TRAPPC9: variants seen among roughly 807,000 people sequenced by gnomAD.
TRAPPC9 encodes the protein IKK2 binding protein.
Under a neutral mutation model 124.0 loss-of-function variants are expected in TRAPPC9, and 83 were observed. The ratio of observed to expected loss-of-function variants is 0.67; its 90% CI spans 0.56 to 0.80. The LOEUF (loss-of-function observed/expected upper bound fraction) is 0.80, where lower values mean the gene tolerates loss of function less well. Among genes scored for constraint, TRAPPC9 ranks in the 30% least tolerant of loss-of-function variants. The pLI is 0.00. For synonymous variants in TRAPPC9, 638 were observed against 617.5 expected (o/e 1.03, Z -0.49); for missense variants, 1,302 against 1,508.3 (o/e 0.86, Z 2.27).
chr8:140,097,387 CCA>C lies in TRAPPC9; in HGVS notation c.2557-73310_2557-73309del, dbSNP rs1372031875. The C allele has an allele frequency of 6.6e-6, 1 of 152,224 alleles. No individual in the cohort carries two copies. The highest frequency in any genetic ancestry group is 1.5e-5 in the Non-Finnish European group (1 of 68,072). 9.4% of individuals were successfully genotyped at this position (152,224 alleles called of 1,614,324 possible). A position where few individuals can be genotyped will look rare whatever the true frequency, so the allele number is the denominator to read the frequency against. On this transcript the variant is annotated intron_variant, in intron 17 of 22. Coordinates refer to ENST00000438773, the MANE Select transcript of TRAPPC9 (RefSeq NM_001160372.4). This position sits in a 1 kb window ranked among gnomAD's most constrained non-coding sequence, Gnocchi z 4.2. ...ACGCCCACCTGGGTTCTTGTGCCAG[CCA>C]CAGTTGTGCCACAGTCCGTAGGGTA...
intron 7 of TRAPPC9, among the ~76,000 whole-genome samples, chr8:140,388,233 A>AG (rs1563991097): frequency 6.5e-5 from 1 of 15,326 alleles, no homozygotes; most frequent in East Asian, 2.5e-3. Flanking sequence ...TGGGGTGGGG[A>AG]GGGGGGAGGT....
chr8:139,838,269 C>T (rs894424177), intron 21 of TRAPPC9, among the ~76,000 whole-genome samples: 1 of 152,220 alleles, frequency 6.6e-6, no homozygotes, highest in African/African-American at 2.4e-5. Context: ...TGGGCACACG[C>T]ACCTGCCTTT....
At chr8:140,000,178 T>C (rs903480821) in intron 18 of TRAPPC9, among the ~76,000 whole-genome samples, 25 of 152,130 alleles carry the variant, frequency 1.6e-4, no homozygotes, top group Non-Finnish European at 1.9e-4. Context: ...TGGCTAGCCA[T>C]ATATAGAAAG....
intron 11 of TRAPPC9, among the ~76,000 whole-genome samples, chr8:140,295,227 G>A (rs1215235761): frequency 6.6e-6 from 1 of 152,218 alleles, no homozygotes; most frequent in Non-Finnish European, 1.5e-5. Context: ...ACATAGCACA[G>A]GGCATATAAC....
chr8:139,916,918 A>C (rs991165520), intron 19 of TRAPPC9, among the ~76,000 whole-genome samples: 1 of 152,264 alleles, frequency 6.6e-6, no homozygotes, highest in Non-Finnish European at 1.5e-5. Flanking sequence ...TATGTGGTAC[A>C]TCATATGTGA....
intron 17 of TRAPPC9, among the ~76,000 whole-genome samples, chr8:140,173,713 A>C (rs564567853): frequency 6.6e-6 from 1 of 152,318 alleles, no homozygotes; most frequent in East Asian, 1.9e-4. Context: ...ACCCCAGTCT[A>C]AGATATGTCT....
At chr8:139,793,637 C>A (rs1822852936) in intron 21 of TRAPPC9, among the ~76,000 whole-genome samples, 1 of 152,158 alleles carries the variant, frequency 6.6e-6, no homozygotes, top group Non-Finnish European at 1.5e-5. Flanking sequence ...GGAGCCTCAG[C>A]TGAAGGAGAC....
chr8:140,068,980 C>T (rs1246854506), intron 17 of TRAPPC9, among the ~76,000 whole-genome samples: 3 of 152,060 alleles, frequency 2.0e-5, no homozygotes, highest in Admixed American at 6.6e-5. Flanking sequence ...TAAATGATGC[C>T]GACAAACTCA....
chr8:139,802,270 G>A (rs1475206198), intron 21 of TRAPPC9, among the ~76,000 whole-genome samples: 2 of 152,192 alleles, frequency 1.3e-5, no homozygotes, highest in Non-Finnish European at 1.5e-5. Flanking sequence ...GCAAGAAAAT[G>A]AGGCCATGGG....
At chr8:140,128,976 T>A (rs1446455717) in intron 17 of TRAPPC9, among the ~76,000 whole-genome samples, 12 of 131,214 alleles carry the variant, frequency 9.1e-5, no homozygotes, top group African/African-American at 1.7e-4. Flanking sequence ...TAATAAAATA[T>A]ATATATATAT....
At chr8:139,922,331 G>C (rs6981094) in intron 19 of TRAPPC9, among the ~76,000 whole-genome samples, 7 of 152,072 alleles carry the variant, frequency 4.6e-5, no homozygotes, top group East Asian at 1.9e-4. Context: ...CTACAGGCAC[G>C]TGCCACCACA....
chr8:139,769,074 A>C (rs895219282), intron 21 of TRAPPC9, among the ~76,000 whole-genome samples: 99 of 152,338 alleles, frequency 6.5e-4, no homozygotes, highest in African/African-American at 2.3e-3. Context: ...TGTCAGAAAT[A>C]ACTTTTTGTT....
intron 21 of TRAPPC9, among the ~76,000 whole-genome samples, chr8:139,815,489 G>A (rs1213883819): frequency 1.3e-5 from 2 of 151,772 alleles, no homozygotes; most frequent in African/African-American, 2.4e-5. Flanking sequence ...CCGGGTTCAA[G>A]CGATTCTCCC....
chr8:139,767,260 G>A (rs994652695), intron 21 of TRAPPC9, among the ~76,000 whole-genome samples: 1 of 152,232 alleles, frequency 6.6e-6, no homozygotes, highest in Non-Finnish European at 1.5e-5. Context: ...GCACAGATGT[G>A]AGCCAAGTCT....
chr8:140,442,555 A>G (rs11774432), intron 2 of TRAPPC9, among the ~76,000 whole-genome samples: 68,455 of 149,524 alleles, frequency 0.46, 16,484 homozygotes, highest in Middle Eastern at 0.57. Context: ...CTAAGATTGC[A>G]CCACTGCACT....
intron 19 of TRAPPC9, among the ~76,000 whole-genome samples, chr8:139,912,707 C>CAGGTCTGAATTACCCCTG (rs978635278): frequency 6.6e-6 from 1 of 152,210 alleles, no homozygotes; most frequent in African/African-American, 2.4e-5. Flanking sequence ...TTTTAATGTG[C>CAGGTCTGAATTACCCCTG]AGGTCTGAAT....
At chr8:139,773,919 G>C (rs554533210) in intron 21 of TRAPPC9, among the ~76,000 whole-genome samples, 1 of 152,378 alleles carries the variant, frequency 6.6e-6, no homozygotes, top group East Asian at 1.9e-4. Flanking sequence ...GTTCAGTGGA[G>C]AAGTCAGAAA....
At chr8:140,217,947 G>A (rs1293779454) in intron 17 of TRAPPC9, among the ~76,000 whole-genome samples, 3 of 151,974 alleles carry the variant, frequency 2.0e-5, no homozygotes, top group Non-Finnish European at 4.4e-5. Flanking sequence ...AACCCAGGAG[G>A]TGGAGGTTGC....
rs1477340400 is a variant in TRAPPC9, at chr8:139,728,402, A to G, written c.*2659T>C. 6.6e-6 allele frequency among the ~76,000 whole-genome samples: 1 copy of G among 152,210 alleles called. No individual in the cohort carries two copies. The highest frequency in any genetic ancestry group is 1.5e-5 in the Non-Finnish European group (1 of 68,042). Reference sequence around the variant, plus strand: ...CCTTCAGGAGGTTTCTGAATGCACCAGGGGCCTAGAGAAGCAGCAACTGCT... The same window carrying G: ...CCTTCAGGAGGTTTCTGAATGCACCGGGGGCCTAGAGAAGCAGCAACTGCT... On this transcript the variant is annotated 3_prime_UTR_variant, in exon 23 of 23. Coordinates refer to ENST00000438773, the MANE Select transcript of TRAPPC9 (RefSeq NM_001160372.4).
Sources: allele counts gnomAD v4.1 joint callset (sites outside exome capture counted in the v4.1 genomes callset), GRCh38; gene constraint gnomAD v4.1.1; non-coding constraint Gnocchi (gnomAD v3.1); transcripts MANE v1.5; gene names NCBI Gene and HGNC (gene_info 2026-07-23, HGNC 2026-07-21).